Variants in CIITA observed in about 807,000 individuals in gnomAD.
The protein encoded by CIITA is class II major histocompatibility complex transactivator.
Under a neutral mutation model 115.1 loss-of-function variants are expected in CIITA, and 72 were observed. The ratio of observed to expected loss-of-function variants is 0.63; its 90% CI spans 0.52 to 0.76. The LOEUF (loss-of-function observed/expected upper bound fraction) is 0.76. Ranked by LOEUF, CIITA falls within the 30% of genes least tolerant of loss-of-function variation. CIITA has a pLI of 0.00. For synonymous variants in CIITA, 763 were observed against 635.6 expected (o/e 1.20, Z -3.02); for missense variants, 1,617 against 1,463.8 (o/e 1.10, Z -1.71).
intron 1 of CIITA, among the ~76,000 whole-genome samples, chr16:10,872,125 T>C (rs1001290920): frequency 6.6e-6 from 1 of 151,934 alleles, no homozygotes; most frequent in African/African-American, 2.4e-5. Flanking sequence ...TTTTTTTTAA[T>C]TTTTTTTGGG....
chr16:10,869,963 T>C (rs1009516818), intron 1 of CIITA, among the ~76,000 whole-genome samples: 1 of 152,048 alleles, frequency 6.6e-6, no homozygotes, highest in African/African-American at 2.4e-5. Context: ...AGGGTAGGTA[T>C]GCAATATATA....
chr16:10,878,598 G>C (rs1022046388), intron 1 of CIITA, among the ~76,000 whole-genome samples: 3 of 152,226 alleles, frequency 2.0e-5, no homozygotes, highest in Non-Finnish European at 4.4e-5. Context: ...CCTCGGAGGT[G>C]GTTTGCCACT....
chr16:10,887,496 CTT>C (rs35292035), intron 1 of CIITA, among the ~76,000 whole-genome samples: 52 of 144,444 alleles, frequency 3.6e-4, no homozygotes, highest in East Asian at 1.0e-3. Flanking sequence ...CCTTCTCAAG[CTT>C]TTTTTTTTTT....
chr16:10,883,901 T>C (rs532680782), intron 1 of CIITA, among the ~76,000 whole-genome samples: 2 of 152,304 alleles, frequency 1.3e-5, no homozygotes, highest in East Asian at 3.9e-4. Flanking sequence ...ACATCCCTCA[T>C]CTACCTCCGT....
In CIITA at chr16:10,941,754, G is replaced by A. The variant is rs763616342; in HGVS notation, n.880G>A. The A allele has an allele frequency of 8.1e-6, 13 of 1,612,494 alleles. No homozygotes were observed. In the South Asian group the frequency reaches 1.3e-4, roughly 16 times the overall value. On this transcript the variant is annotated non_coding_transcript_exon_variant, in exon 2 of 2. Transcript: ENST00000573379. The surrounding 1 kb of genome is among the most constrained non-coding windows in gnomAD (Gnocchi z 6.4). Reference sequence around the variant, plus strand: ...ACGCATCAAAGACGTCGAGCTCCGAGTCAGCATCGTAAAGGCCCGAGCCGG... The same window carrying A: ...ACGCATCAAAGACGTCGAGCTCCGAATCAGCATCGTAAAGGCCCGAGCCGG...
At position 10,908,015 on chromosome 16, in the gene CIITA, G is replaced by T. The variant is rs780897648; in HGVS notation, c.2523G>T (p.Thr841=). Residue 841 remains threonine (T), a synonymous_variant, in exon 11 of 20, where the codon ACG becomes ACT. Coordinates refer to ENST00000324288, the MANE Select transcript of CIITA (RefSeq NM_000246.4). ...TCTCTTTTCTGGGCACCCGCCTCAC[G>T]CCTCCTGATGCACATGTACTGGGCA... The part of the protein sequence containing the change: ...GRLSFLGTRL[T]PPDAHVLGKA... 24 of 1,603,386 alleles carry T rather than the reference G, an allele frequency of 1.5e-5. 1 individual carries two copies. The South Asian group carries it at 2.4e-4, about 16-fold the overall frequency.
intron 5 of CIITA, among the ~76,000 whole-genome samples, chr16:10,900,657 T>A (rs1338507357): frequency 2.6e-5 from 4 of 151,998 alleles, no homozygotes; most frequent in African/African-American, 9.7e-5. Context: ...GGAGAATCGC[T>A]TGAACCTAAG....
intron 15 of CIITA, chr16:10,916,787 C>T (rs6498132): frequency 0.14 from 58,546 of 430,092 alleles, 4,877 homozygotes; most frequent in Admixed American, 0.3. Context: ...CATTTCTTTA[C>T]TCCCTCATCC....
intron 17 of CIITA, 77 bp from the exon 18 acceptor site, chr16:10,922,330 G>A: frequency 6.2e-7 from 1 of 1,608,324 alleles, no homozygotes; most frequent in Non-Finnish European, 8.5e-7. Flanking sequence ...TCCTGGAAGA[G>A]CTGGATGTGG....
Position 10,881,232 on chromosome 16 carries a change from G to A in CIITA, c.52+3850G>A, listed in dbSNP as rs557047995. 1.3e-4 allele frequency among the ~76,000 whole-genome samples: 20 copies of A among 152,140 alleles called. 1 individual carries two copies. In the South Asian group the frequency reaches 2.5e-3, roughly 19 times the overall value. On this transcript the variant is annotated intron_variant, in intron 1 of 19. Transcript: ENST00000324288. Reference sequence around the variant, plus strand: ...AGGCGGAGTTTACCCGAGAGGTGGAGGTTACCCGAGAGCTGAGATTGCACC... The same window carrying A: ...AGGCGGAGTTTACCCGAGAGGTGGAAGTTACCCGAGAGCTGAGATTGCACC...
rs945755624 is a variant in CIITA at position 10,942,112 on chromosome 16, G to C, written n.1238G>C. 2 of 864,714 alleles carry C rather than the reference G, an allele frequency of 2.3e-6. No individual in the cohort carries two copies. Among genetic ancestry groups the C allele is most frequent in the African/African-American group, 3.6e-5 (2 of 55,300 alleles). 53.6% of individuals were successfully genotyped at this position (864,714 alleles called of 1,614,324 possible). ...CGCAGCCATCCAGGGGTACCCTGGA[G>C]CCCGACAGAAGCAGGGCCGGGCTCC... On this transcript the variant is annotated non_coding_transcript_exon_variant, in exon 2 of 2. Coordinates refer to the CIITA transcript ENST00000573379. The surrounding 1 kb of genome is among the most constrained non-coding windows in gnomAD (Gnocchi z 5.0).
At chr16:10,890,308 C>T (rs1332580896) in intron 1 of CIITA, among the ~76,000 whole-genome samples, 1 of 150,822 alleles carries the variant, frequency 6.6e-6, no homozygotes, top group Non-Finnish European at 1.5e-5. Context: ...TTCTGAGACA[C>T]AGTCTGGCTC....
In CIITA at chr16:10,902,158, G is replaced by C. The variant is rs563299137; in HGVS notation, c.602G>C (p.Arg201Pro). 6.2e-7 allele frequency: 1 copy of C among 1,614,148 alleles called. No homozygotes were observed. Among genetic ancestry groups the C allele is most frequent in the Non-Finnish European group, 8.5e-7 (1 of 1,180,030 alleles). The change falls in exon 7 of 20, where the codon CGC (arginine) becomes CCC (proline). Residue 201 changes from arginine (R) to proline (P), a missense_variant. Coordinates refer to ENST00000324288, the MANE Select transcript of CIITA (RefSeq NM_000246.4). The part of the protein sequence containing the change: ...FNQEPASGQM[R>P]LEKTDQIPMP... ...CAGGAGCCAGCCTCCGGCCAGATGC[G>C]CCTGGAGAAAACCGACCAGATTCCC... is the stretch of plus-strand genomic sequence containing the variant.
intron 1 of CIITA, among the ~76,000 whole-genome samples, chr16:10,870,760 G>C (rs958628421): frequency 1.3e-5 from 2 of 152,212 alleles, no homozygotes; most frequent in African/African-American, 4.8e-5. Flanking sequence ...GCTCTAGTGA[G>C]GGTTAAATGA....
chr16:10,942,688 T>C lies in CIITA; in HGVS notation n.1814T>C, dbSNP rs1001544365. On this transcript the variant is annotated non_coding_transcript_exon_variant, in exon 2 of 2. Transcript: ENST00000573379. The surrounding 1 kb of genome is among the most constrained non-coding windows in gnomAD (Gnocchi z 5.0). ...GCTCTGCGTATCGAATAGGGGGAGG[T>C]AAAAGAGACTGAACACAGTTCAAAC... is the stretch of plus-strand genomic sequence containing the variant. The C allele has an allele frequency of 6.6e-6, 1 of 151,560 alleles. No individual in the cohort carries two copies. The highest frequency in any genetic ancestry group is 2.4e-5 in the African/African-American group (1 of 41,194). The allele number at this position is 151,560 out of a possible 1,614,324, so 9.4% of individuals were successfully genotyped here.
At chr16:10,884,841 C>G (rs1277288192) in intron 1 of CIITA, among the ~76,000 whole-genome samples, 2 of 152,096 alleles carry the variant, frequency 1.3e-5, no homozygotes, top group East Asian at 3.9e-4. Flanking sequence ...GTTTGGGTAC[C>G]CAGGGCCAGT....
intron 1 of CIITA, among the ~76,000 whole-genome samples, chr16:10,881,315 G>GA (rs1222563143): frequency 6.6e-6 from 1 of 152,010 alleles, no homozygotes; most frequent in Non-Finnish European, 1.5e-5. Flanking sequence ...AAAAGAGAGA[G>GA]AAAAAAGTCA....
chr16:10,895,897 G>A (rs45601437), intron 3 of CIITA, 133 bp downstream of exon 3: 48,239 of 899,692 alleles, frequency 0.054, 6,737 homozygotes, highest in Admixed American at 0.39. Flanking sequence ...GGGATGCGGA[G>A]CAATGGCTGG....
rs1187185901 is a variant in CIITA at position 10,935,895 on chromosome 16, A to C, written c.*12040A>C. The C allele has an allele frequency of 6.6e-6, 1 of 152,222 alleles. No individual in the cohort carries two copies. The highest frequency in any genetic ancestry group is 2.4e-5 in the African/African-American group (1 of 41,450). The allele number at this position is 152,222 out of a possible 1,614,324, so 9.4% of individuals were successfully genotyped here. On this transcript the variant is annotated 3_prime_UTR_variant, in exon 20 of 20. Coordinates refer to ENST00000324288, the MANE Select transcript of CIITA (RefSeq NM_000246.4). Reference sequence around the variant, plus strand: ...CAGACTGAAGAGCTGATCCAGACTGAAGAAGGCTCGAGATTAATGCAAAAG... The same window carrying C: ...CAGACTGAAGAGCTGATCCAGACTGCAGAAGGCTCGAGATTAATGCAAAAG...
Sources: gnomAD v4.1 joint callset for allele counts (sites outside exome capture counted in the v4.1 genomes callset) on GRCh38, gnomAD v4.1.1 for gene constraint, Gnocchi (gnomAD v3.1) non-coding constraint, MANE v1.5 for transcripts, NCBI Gene and HGNC (gene_info 2026-07-23, HGNC 2026-07-21) for gene names.